SLC25A43: variants seen among roughly 807,000 people sequenced by gnomAD.
SLC25A43 encodes solute carrier family 25 member 43.
In SLC25A43, 10 loss-of-function variants were observed where a neutral mutation model predicts 22.8. That is an observed-to-expected ratio of 0.44 (90% CI 0.27 to 0.74). The LOEUF (loss-of-function observed/expected upper bound fraction) is 0.74, where lower values mean the gene tolerates loss of function less well. SLC25A43 is among the 30% of genes least tolerant of loss of function. The probability of loss-of-function intolerance (pLI) is 0.17; values close to 1 mark genes in which losing one functional copy is unlikely to be tolerated. For missense variants in SLC25A43, 233 were observed against 279.1 expected (o/e 0.83, Z 1.18); for synonymous variants, 106 against 121.6 (o/e 0.87, Z 0.84).
intron 3 of SLC25A43, among the ~76,000 whole-genome samples, chrX:119,435,155 A>T: frequency 9.0e-6 from 1 of 111,052 alleles, no homozygotes; most frequent in East Asian, 2.8e-4. Flanking sequence ...ATATTTTTTT[A>T]AAAAAAGAAA....
At chrX:119,442,286 T>C (rs1281421446) in intron 3 of SLC25A43, among the ~76,000 whole-genome samples, 4 of 111,671 alleles carry the variant, frequency 3.6e-5, no homozygotes, top group Non-Finnish European at 7.5e-5. Context: ...TTATCACAAG[T>C]TGATTATAAT....
At chrX:119,430,397 TGA>T (rs1043608773) in intron 3 of SLC25A43, among the ~76,000 whole-genome samples, 4 of 112,295 alleles carry the variant, frequency 3.6e-5, no homozygotes, top group Non-Finnish European at 7.5e-5. Flanking sequence ...ATTTTACAGA[TGA>T]GGAAATTGAA....
Position 119,399,553 on chromosome X carries a change from G to A in SLC25A43, c.150G>A (p.Arg50=), listed in dbSNP as rs1403985303. The part of the protein sequence containing the change: ...AQVGVVRGHA[R]GPWATGHRVW... ...TTGGCGTCGTGCGAGGCCACGCCCG[G>A]GGACCGTGGGCCACAGGGCACCGGG... Residue 50 remains arginine (R), a synonymous_variant, in exon 1 of 5, where the codon CGG becomes CGA. Coordinates refer to ENST00000217909, the MANE Select transcript of SLC25A43 (RefSeq NM_145305.3). 1.9e-6 allele frequency: 2 copies of A among 1,063,214 alleles called. No individual in the cohort carries two copies. Among genetic ancestry groups the A allele is most frequent in the Admixed American group, 3.6e-5 (1 of 27,404 alleles). The allele number at this position is 1,063,214 out of a possible 1,213,427, so 87.6% of individuals were successfully genotyped here.
At chrX:119,412,160 G>C (rs1569367385) in intron 3 of SLC25A43, among the ~76,000 whole-genome samples, 1 of 111,381 alleles carries the variant, frequency 9.0e-6, no homozygotes, top group African/African-American at 3.3e-5. Flanking sequence ...TAAACAGCCT[G>C]AAGGTGCTTA....
At chrX:119,401,181 C>T (rs1008161011) in intron 1 of SLC25A43, among the ~76,000 whole-genome samples, 2 of 111,265 alleles carry the variant, frequency 1.8e-5, no homozygotes, top group African/African-American at 6.5e-5. Flanking sequence ...TGTCAGTGAC[C>T]GAGCTGAGCT....
intron 3 of SLC25A43, among the ~76,000 whole-genome samples, chrX:119,429,491 C>G (rs1259806170): frequency 8.9e-6 from 1 of 111,753 alleles, no homozygotes; most frequent in Non-Finnish European, 1.9e-5. Flanking sequence ...AGTCTTTGTT[C>G]TTTATTTGTA....
At chrX:119,404,944 G>T (rs1198816389) in intron 1 of SLC25A43, among the ~76,000 whole-genome samples, 3 of 112,186 alleles carry the variant, frequency 2.7e-5, no homozygotes, top group Non-Finnish European at 5.6e-5. Flanking sequence ...GGACAAGTTT[G>T]CTCTAGGGTA....
intron 3 of SLC25A43, among the ~76,000 whole-genome samples, chrX:119,414,599 A>G (rs186696101): frequency 9.9e-5 from 11 of 111,206 alleles, no homozygotes; most frequent in Admixed American, 4.8e-4. Context: ...TTTGTTGTAC[A>G]TATTTTTAGA....
rs757120184 is a variant in SLC25A43 at position 119,454,400 on chromosome X, C to T, written c.*1335C>T. On this transcript the variant is annotated 3_prime_UTR_variant, in exon 5 of 5. Transcript: ENST00000217909. Reference sequence around the variant, plus strand: ...ATAAAATTGTTAATTTATACACACACATACACTCATACATAGAGAGAGATT... The same window carrying T: ...ATAAAATTGTTAATTTATACACACATATACACTCATACATAGAGAGAGATT... 8.9e-6 allele frequency: 1 copy of T among 112,115 alleles called. No homozygotes were observed. The highest frequency in any genetic ancestry group is 3.2e-5 in the African/African-American group (1 of 30,807). The allele number at this position is 112,115 out of a possible 1,213,427, so 9.2% of individuals were successfully genotyped here.
chrX:119,416,007 C>CAA lies in SLC25A43; in HGVS notation c.690+5664_690+5665dup, dbSNP rs34024967. Among the ~76,000 whole-genome samples, 85 of 50,370 alleles carry CAA rather than the reference C, an allele frequency of 1.7e-3. 1 individual carries two copies. Among genetic ancestry groups the CAA allele is most frequent in the African/African-American group, 5.6e-3 (70 of 12,474 alleles). 43.7% of individuals were successfully genotyped at this position (50,370 alleles called of 115,157 possible). A position where few individuals can be genotyped will look rare whatever the true frequency, so the allele number is the denominator to read the frequency against. ...TGGGTGACAGAGCAAGACCCTATCT[C>CAA]AAAAAAAAAAAAAAAAAAAAGAATT... On this transcript the variant is annotated intron_variant, in intron 3 of 4. Transcript: ENST00000217909.
chrX:119,399,787 C>CCCTT (rs2052220785), intron 1 of SLC25A43, 109 bp downstream of exon 1: 3 of 865,259 alleles, frequency 3.5e-6, no homozygotes, highest in Non-Finnish European at 3.0e-6. Context: ...GGAGTAGGGA[C>CCCTT]GGCCCCCTTG....
At chrX:119,448,389 C>T (rs146790156) in intron 3 of SLC25A43, among the ~76,000 whole-genome samples, 1 of 111,644 alleles carries the variant, frequency 9.0e-6, no homozygotes, top group Non-Finnish European at 1.9e-5. Context: ...CATAACCCCC[C>T]CCAGTGACCA....
chrX:119,430,282 C>G (rs1027525241), intron 3 of SLC25A43, among the ~76,000 whole-genome samples: 12 of 112,656 alleles, frequency 1.1e-4, no homozygotes, highest in Non-Finnish European at 1.7e-4. Context: ...GTGGTTAATT[C>G]TTTAGCGCTT....
At position 119,406,569 on chromosome X, in the gene SLC25A43, C is replaced by T. The variant is rs780293558; in HGVS notation, c.385C>T (p.Leu129Phe). The change falls in exon 2 of 5, where the codon CTC (leucine) becomes TTC (phenylalanine). Residue 129 changes from leucine to phenylalanine, a missense_variant. Leu to Phe is a conservative substitution (Grantham distance 22). Coordinates refer to ENST00000217909, the MANE Select transcript of SLC25A43 (RefSeq NM_145305.3). ...VSTIVTYPTD[L>F]IKTRLIMQNI... is the part of the protein sequence containing the mutation. ...CACCATTGTAACATATCCTACAGAC[C>T]TCATCAAAACCCGGTTGATCATGCA... 2.1e-5 allele frequency: 25 copies of T among 1,209,820 alleles called. No individual in the cohort carries two copies. Among genetic ancestry groups the T allele is most frequent in the Non-Finnish European group, 2.7e-5 (24 of 895,247 alleles).
chrX:119,399,380 C>T lies in SLC25A43; in HGVS notation c.-24C>T. 3 of 974,918 alleles carry T rather than the reference C, an allele frequency of 3.1e-6. No homozygotes were observed. The highest frequency in any genetic ancestry group is 2.0e-5 in the African/African-American group (1 of 49,479). The allele number at this position is 974,918 out of a possible 1,213,427, so 80.3% of individuals were successfully genotyped here. A position where few individuals can be genotyped will look rare whatever the true frequency, so the allele number is the denominator to read the frequency against. ...GAGCCCCAGGCCCGAGCCACGCGGTCTTCCGGGCCCGGGTCGGGGCTCGAT... is the reference window on the plus strand; with the variant it reads ...GAGCCCCAGGCCCGAGCCACGCGGTTTTCCGGGCCCGGGTCGGGGCTCGAT... On this transcript the variant is annotated 5_prime_UTR_variant, in exon 1 of 5. Coordinates refer to ENST00000217909, the MANE Select transcript of SLC25A43 (RefSeq NM_145305.3).
intron 1 of SLC25A43, 72 bp from the exon 2 acceptor site, chrX:119,406,388 A>G (rs972496827): frequency 6.2e-6 from 7 of 1,127,760 alleles, no homozygotes; most frequent in African/African-American, 1.8e-5. Context: ...AAAATATTTC[A>G]AGAACTAGTG....
At chrX:119,442,668 GAC>G (rs1301396392) in intron 3 of SLC25A43, among the ~76,000 whole-genome samples, 1 of 112,012 alleles carries the variant, frequency 8.9e-6, no homozygotes, top group Admixed American at 9.5e-5. Context: ...TTTAAAGTAA[GAC>G]ATCCACTGAA....
At chrX:119,432,898 C>T (rs1181740931) in intron 3 of SLC25A43, among the ~76,000 whole-genome samples, 3 of 109,563 alleles carry the variant, frequency 2.7e-5, no homozygotes, top group Non-Finnish European at 5.7e-5. Flanking sequence ...ATCACAAGGT[C>T]AAGAGTTCAA....
At position 119,443,116 on chromosome X, in the gene SLC25A43, C is replaced by CTT. The variant is rs58081965; in HGVS notation, c.691-8873_691-8872dup. Among the ~76,000 whole-genome samples the CTT allele has an allele frequency of 9.4e-3, 692 of 73,339 alleles. 23 individuals carry two copies. The highest frequency in any genetic ancestry group is 0.012 in the Non-Finnish European group (466 of 40,328). The allele number at this position is 73,339 out of a possible 115,157, so 63.7% of individuals were successfully genotyped here. A position where few individuals can be genotyped will look rare whatever the true frequency, so the allele number is the denominator to read the frequency against. ...CAGTCTTTCTTTTCCCATTCTCTCT[C>CTT]TTTTTTTTTTTTTTTTTTTTTGAGA... On this transcript the variant is annotated intron_variant, in intron 3 of 4. Transcript: ENST00000217909.
Sources: gnomAD v4.1 joint callset for allele counts (sites outside exome capture counted in the v4.1 genomes callset) on GRCh38, gnomAD v4.1.1 for gene constraint, MANE v1.5 for transcripts, NCBI Gene and HGNC (gene_info 2026-07-23, HGNC 2026-07-21) for gene names.